The following RNF11 variants were observed in gnomAD, a reference collection of about 807,000 sequenced individuals.
RNF11 encodes ring finger protein 11.
RNF11 carries 4 observed loss-of-function variants against 15.8 expected under a neutral mutation model. The observed-to-expected ratio is 0.25, with a 90% confidence interval of 0.12 to 0.58. The LOEUF (loss-of-function observed/expected upper bound fraction) is 0.58, where lower values mean the gene tolerates loss of function less well. Ranked by LOEUF, RNF11 falls within the 20% of genes least tolerant of loss-of-function variation. The pLI is 0.91. For missense variants in RNF11, 139 were observed against 194.4 expected, an observed-to-expected ratio of 0.71 and a Z score of 1.70; for synonymous variants, 68 against 72.3, an observed-to-expected ratio of 0.94 and a Z score of 0.30.
rs1253296951 is a variant in RNF11 at position 51,273,171 on chromosome 1, T to C, written c.*1849T>C. 1 of 152,194 alleles carries C rather than the reference T, an allele frequency of 6.6e-6. No individual in the cohort carries two copies. Among genetic ancestry groups the C allele is most frequent in the Non-Finnish European group, 1.5e-5 (1 of 68,006 alleles). 9.4% of individuals were successfully genotyped at this position (152,194 alleles called of 1,614,324 possible). ...TATTCTTGTGTTTTCTACTTAAACA[T>C]AATGTCTGTGTCATCAAGTATTATA... On this transcript the variant is annotated 3_prime_UTR_variant, in exon 3 of 3. Transcript: ENST00000242719.
intron 1 of RNF11, among the ~76,000 whole-genome samples, chr1:51,257,787 GAT>G (rs1022404311): frequency 6.7e-6 from 1 of 149,736 alleles, no homozygotes; most frequent in Admixed American, 6.6e-5. Flanking sequence ...CATTCTGACT[GAT>G]GAGATGGTAT....
chr1:51,252,437 A>G (rs1274784325), intron 1 of RNF11, among the ~76,000 whole-genome samples: 2 of 152,086 alleles, frequency 1.3e-5, no homozygotes, highest in Non-Finnish European at 2.9e-5. Context: ...CAACACAGCA[A>G]AACTCTGTTT....
intron 1 of RNF11, among the ~76,000 whole-genome samples, chr1:51,249,163 A>G (rs1231130318): frequency 1.3e-5 from 2 of 152,160 alleles, no homozygotes; most frequent in African/African-American, 2.4e-5. Context: ...TGAGTTGTGT[A>G]ATTTTGTACA....
intron 1 of RNF11, chr1:51,250,875 G>C (rs978339452): frequency 9.5e-7 from 1 of 1,050,586 alleles, no homozygotes; most frequent in African/African-American, 1.6e-5. Context: ...GACAATGCCA[G>C]TGCCCCTGGG....
chr1:51,242,957 CCTT>C (rs1028363529), intron 1 of RNF11, among the ~76,000 whole-genome samples: 4 of 152,112 alleles, frequency 2.6e-5, no homozygotes, highest in African/African-American at 4.8e-5. Flanking sequence ...TTATCCCTCC[CCTT>C]CTTTATGCTC....
At chr1:51,242,610 A>G (rs555838099) in intron 1 of RNF11, among the ~76,000 whole-genome samples, 4 of 152,254 alleles carry the variant, frequency 2.6e-5, no homozygotes, top group East Asian at 1.9e-4. Context: ...TAAGCATGCA[A>G]TGCTATAATG....
intron 1 of RNF11, among the ~76,000 whole-genome samples, chr1:51,252,515 T>C (rs1466110796): frequency 1.3e-5 from 2 of 152,026 alleles, no homozygotes; most frequent in Admixed American, 6.6e-5. Flanking sequence ...CCTGAGAGGC[T>C]GAAGCAGGAA....
At chr1:51,254,629 A>G (rs1646895967) in intron 1 of RNF11, among the ~76,000 whole-genome samples, 1 of 151,872 alleles carries the variant, frequency 6.6e-6, no homozygotes, top group African/African-American at 2.4e-5. Flanking sequence ...CTCCCTGCTA[A>G]TTTTTGTATT....
At chr1:51,255,075 A>G (rs1646898199) in intron 1 of RNF11, among the ~76,000 whole-genome samples, 1 of 152,186 alleles carries the variant, frequency 6.6e-6, no homozygotes, top group African/African-American at 2.4e-5. Context: ...AATGCATAAC[A>G]TACATTATTT....
chr1:51,245,776 A>G (rs942761339), intron 1 of RNF11, among the ~76,000 whole-genome samples: 2 of 152,186 alleles, frequency 1.3e-5, no homozygotes, highest in African/African-American at 4.8e-5. Context: ...AATAACCCAT[A>G]TGAGTACAGG....
intron 1 of RNF11, among the ~76,000 whole-genome samples, chr1:51,252,707 G>A (rs1443473486): frequency 6.6e-6 from 1 of 152,018 alleles, no homozygotes; most frequent in Admixed American, 6.6e-5. Context: ...ATTTCATTGT[G>A]GTTTTAATTT....
rs555657266 is a variant in RNF11, at chr1:51,238,875, G to A, written c.123+1996G>A. Among the ~76,000 whole-genome samples, 31 of 152,006 alleles carry A rather than the reference G, an allele frequency of 2.0e-4. No homozygotes were observed. The South Asian group carries it at 5.8e-3, about 29-fold the overall frequency. ...CTCCTGAGTAGCTGGGATTACAGGC[G>A]CGTGCCACCACACCTAGCTAATTTT... On this transcript the variant is annotated intron_variant, in intron 1 of 2. Transcript: ENST00000242719.
chr1:51,248,938 A>T (rs1006898408), intron 1 of RNF11, among the ~76,000 whole-genome samples: 63 of 150,516 alleles, frequency 4.2e-4, no homozygotes, highest in African/African-American at 1.4e-3. Context: ...AATACAAATT[A>T]AAAAAATATA....
intron 1 of RNF11, among the ~76,000 whole-genome samples, chr1:51,250,396 AG>A: frequency 6.6e-6 from 1 of 152,206 alleles, no homozygotes; most frequent in East Asian, 1.9e-4. Flanking sequence ...CTGGAATTGT[AG>A]ATCTGTTTTA....
Position 51,267,196 on chromosome 1 carries a change from A to G in RNF11, c.124-2760A>G, listed in dbSNP as rs569933737. On this transcript the variant is annotated intron_variant, in intron 1 of 2. Coordinates refer to ENST00000242719, the MANE Select transcript of RNF11 (RefSeq NM_014372.5). ...GGAGGTTGCAGTGAGATGTGTTTGT[A>G]TACCTTTTGTCATTAGGTCCATATT... 1.7e-3 allele frequency among the ~76,000 whole-genome samples: 258 copies of G among 152,342 alleles called. 1 individual carries two copies. Among genetic ancestry groups the G allele is most frequent in the South Asian group, 0.012 (57 of 4,832 alleles).
chr1:51,269,012 C>T (rs1290754059), intron 1 of RNF11, among the ~76,000 whole-genome samples: 5 of 152,304 alleles, frequency 3.3e-5, no homozygotes, highest in Middle Eastern at 3.4e-3. Context: ...AAAGTGGGTA[C>T]TGTTATCTGC....
intron 1 of RNF11, among the ~76,000 whole-genome samples, chr1:51,242,243 TGG>T (rs1646832402): frequency 6.6e-6 from 1 of 152,104 alleles, no homozygotes; most frequent in African/African-American, 2.4e-5. Flanking sequence ...CAGATTGTTT[TGG>T]GGAGCTTTTT....
chr1:51,244,782 T>C (rs1240295837), intron 1 of RNF11, among the ~76,000 whole-genome samples: 1 of 152,216 alleles, frequency 6.6e-6, no homozygotes, highest in African/African-American at 2.4e-5. Context: ...GATTTTTCTT[T>C]GTTTCTGCCT....
intron 1 of RNF11, among the ~76,000 whole-genome samples, chr1:51,242,895 T>C (rs1339817746): frequency 6.6e-6 from 1 of 151,734 alleles, no homozygotes. Flanking sequence ...TTCACGTATC[T>C]AGGCCTTATT....
Sources: allele counts gnomAD v4.1 joint callset (sites outside exome capture counted in the v4.1 genomes callset), GRCh38; gene constraint gnomAD v4.1.1; transcripts MANE v1.5; gene names NCBI Gene and HGNC (gene_info 2026-07-23, HGNC 2026-07-21).